The following SLC28A1 variants were observed in gnomAD, a reference collection of about 807,000 sequenced individuals.
The protein encoded by SLC28A1 is solute carrier family 28 member 1, also known as sodium/nucleoside cotransporter 1.
SLC28A1 carries 64 observed loss-of-function variants against 74.8 expected under a neutral mutation model. That is an observed-to-expected ratio of 0.86 (90% CI 0.70 to 1.05). The LOEUF (loss-of-function observed/expected upper bound fraction) is 1.05. SLC28A1 is among the 50% of genes least tolerant of loss of function. The pLI is 0.00. For synonymous variants in SLC28A1, 359 were observed against 335.0 expected, an observed-to-expected ratio of 1.07 and a Z score of -0.78; for missense variants, 828 against 822.8, an observed-to-expected ratio of 1.01 and a Z score of -0.08.
At chr15:84,927,677 T>C (rs4247409) in intron 12 of SLC28A1, among the ~76,000 whole-genome samples, 47,722 of 152,108 alleles carry the variant, frequency 0.31, 9,723 homozygotes, top group Middle Eastern at 0.53. Flanking sequence ...GGAAAAGGGC[T>C]TCTGGTCTCC....
intron 6 of SLC28A1, among the ~76,000 whole-genome samples, chr15:84,899,891 C>CAGAAAGAA (rs146927149): frequency 1.6e-4 from 22 of 137,402 alleles, no homozygotes; most frequent in South Asian, 2.3e-4. Context: ...GATACTAAGG[C>CAGAAAGAA]AGAAAGAAAG....
intron 5 of SLC28A1, among the ~76,000 whole-genome samples, chr15:84,893,277 C>T (rs1567119443): frequency 6.6e-6 from 1 of 152,020 alleles, no homozygotes; most frequent in Non-Finnish European, 1.5e-5. Context: ...TCTGAAGTGC[C>T]AAGCTCACCT....
chr15:84,915,258 T>C (rs905626160), intron 9 of SLC28A1, among the ~76,000 whole-genome samples: 3 of 152,136 alleles, frequency 2.0e-5, no homozygotes, highest in Non-Finnish European at 4.4e-5. Flanking sequence ...TGGTGACAGA[T>C]GACAGCAGAG....
intron 9 of SLC28A1, among the ~76,000 whole-genome samples, chr15:84,911,595 C>T (rs1406146525): frequency 6.6e-6 from 1 of 151,784 alleles, no homozygotes; most frequent in Non-Finnish European, 1.5e-5. Flanking sequence ...GGCGTGGTGG[C>T]TCACGCCTGT....
At chr15:84,921,666 G>A (rs1173337591) in intron 11 of SLC28A1, among the ~76,000 whole-genome samples, 1 of 152,136 alleles carries the variant, frequency 6.6e-6, no homozygotes, top group Non-Finnish European at 1.5e-5. Context: ...GTTAGAAGAT[G>A]CCATATTTCA....
At position 84,921,389 on chromosome 15, in the gene SLC28A1, T is replaced by C. The variant is rs190442734; in HGVS notation, c.957+320T>C. On this transcript the variant is annotated intron_variant, in intron 11 of 18. Coordinates refer to ENST00000394573, the MANE Select transcript of SLC28A1 (RefSeq NM_004213.5). ...ACAGGCTCAGGGGATGGGAATCCCTTGACCAAGATTCCACACATATAAGCC... is the reference window on the plus strand; with the variant it reads ...ACAGGCTCAGGGGATGGGAATCCCTCGACCAAGATTCCACACATATAAGCC... Among the ~76,000 whole-genome samples, 419 of 152,336 alleles carry C rather than the reference T, an allele frequency of 2.8e-3. 2 individuals carry two copies. The highest frequency in any genetic ancestry group is 3.1e-3 in the Non-Finnish European group (213 of 68,022).
intron 5 of SLC28A1, among the ~76,000 whole-genome samples, chr15:84,890,758 C>A (rs1419792766): frequency 1.3e-5 from 2 of 152,208 alleles, no homozygotes. Context: ...AATAGTCCCA[C>A]ATAATGCAGC....
intron 15 of SLC28A1, 94 bp downstream of exon 15, chr15:84,935,612 T>C: frequency 9.5e-7 from 1 of 1,058,062 alleles, no homozygotes; most frequent in South Asian, 1.4e-5. Flanking sequence ...TCCCTGGGCC[T>C]GGCTGAGACA....
chr15:84,918,373 A>G (rs1217051840), intron 9 of SLC28A1, 151 bp from the exon 10 acceptor site: 2 of 731,616 alleles, frequency 2.7e-6, no homozygotes, highest in South Asian at 1.4e-5. Context: ...GACTTCATGC[A>G]CTGATCTCAG....
intron 4 of SLC28A1, 106 bp downstream of exon 4, chr15:84,888,966 C>A (rs1388486926): frequency 2.5e-6 from 2 of 801,760 alleles, no homozygotes; most frequent in African/African-American, 3.4e-5. Context: ...GGACGTGAAC[C>A]TTTGTTGAAG....
rs2079177665 is a variant in SLC28A1, at chr15:84,945,653, T to G, written c.*453T>G. The stretch of plus-strand genomic sequence containing the variant: ...GGGTGGTGTCACCTCTTTCTCTGCT[T>G]TCAGAGAAACCCTTCCCGCCTTTCC... On this transcript the variant is annotated 3_prime_UTR_variant, in exon 19 of 19. Transcript: ENST00000394573. The G allele has an allele frequency of 4.0e-6, 1 of 249,972 alleles. No individual in the cohort carries two copies. The highest frequency in any genetic ancestry group is 7.9e-6 in the Non-Finnish European group (1 of 127,000). 15.5% of individuals were successfully genotyped at this position (249,972 alleles called of 1,614,324 possible). A position where few individuals can be genotyped will look rare whatever the true frequency, so the allele number is the denominator to read the frequency against.
chr15:84,906,071 G>A (rs1967062997), intron 8 of SLC28A1, among the ~76,000 whole-genome samples: 1 of 148,470 alleles, frequency 6.7e-6, no homozygotes, highest in Non-Finnish European at 1.5e-5. Flanking sequence ...CCAGGCTGGA[G>A]TGCAGTGGTG....
chr15:84,911,587 C>T (rs974200690), intron 9 of SLC28A1, among the ~76,000 whole-genome samples: 2 of 151,674 alleles, frequency 1.3e-5, no homozygotes, highest in African/African-American at 4.8e-5. Context: ...TTAGGCTGGG[C>T]GTGGTGGCTC....
intron 15 of SLC28A1, among the ~76,000 whole-genome samples, chr15:84,941,634 A>G (rs968398684): frequency 2.6e-5 from 4 of 152,084 alleles, no homozygotes; most frequent in African/African-American, 9.7e-5. Flanking sequence ...CTGTAATTCC[A>G]ACACTTTGGG....
intron 15 of SLC28A1, among the ~76,000 whole-genome samples, chr15:84,937,616 T>C (rs1296110775): frequency 6.6e-6 from 1 of 152,186 alleles, no homozygotes; most frequent in Non-Finnish European, 1.5e-5. Flanking sequence ...AAAAGAAAGT[T>C]TGTGGCCAGG....
At position 84,945,065 on chromosome 15, in the gene SLC28A1, T is replaced by G. The variant is rs572088372; in HGVS notation, c.1875-60T>G. 419 of 1,467,710 alleles carry G rather than the reference T, an allele frequency of 2.9e-4. 2 individuals are homozygous for G. Among genetic ancestry groups the G allele is most frequent in the East Asian group, 1.4e-3 (60 of 44,112 alleles). 90.9% of individuals were successfully genotyped at this position (1,467,710 alleles called of 1,614,324 possible). On this transcript the variant is annotated intron_variant, in intron 18 of 18. Transcript: ENST00000394573. ...ACAGTGTTCCCGGTGTTGCACAGCC[T>G]GGTGGTGGCCCGCAGAACCAGGCCT...
the SLC28A1 span, among the ~76,000 whole-genome samples, chr15:84,968,726 A>G: frequency 3.9e-5 from 6 of 152,226 alleles, no homozygotes; most frequent in African/African-American, 1.4e-4. Flanking sequence ...CTTGAGAACG[A>G]TCTGTTGCCT....
chr15:84,940,368 C>CA lies in SLC28A1; in HGVS notation c.1582-3069dup, dbSNP rs113526729. The CA allele has an allele frequency of 8.6e-3, 1,300 of 151,470 alleles. 17 individuals carry two copies. Among genetic ancestry groups the CA allele is most frequent in the African/African-American group, 0.029 (1,182 of 41,144 alleles). 9.4% of individuals were successfully genotyped at this position (151,470 alleles called of 1,614,324 possible). A position where few individuals can be genotyped will look rare whatever the true frequency, so the allele number is the denominator to read the frequency against. Reference sequence around the variant, plus strand: ...ACACATTGGGTAGTATGTAACTATGCAAAAAAAAGGACACTGTACAGTTTA... The same window carrying CA: ...ACACATTGGGTAGTATGTAACTATGCAAAAAAAAAGGACACTGTACAGTTTA... On this transcript the variant is annotated intron_variant, in intron 15 of 18. Coordinates refer to ENST00000394573, the MANE Select transcript of SLC28A1 (RefSeq NM_004213.5).
At chr15:84,928,904 T>A (rs1023302534) in intron 12 of SLC28A1, among the ~76,000 whole-genome samples, 5 of 151,874 alleles carry the variant, frequency 3.3e-5, no homozygotes, top group South Asian at 4.2e-4. Flanking sequence ...ATTACAGGCA[T>A]GAGCCACTGC....
Sources: allele counts gnomAD v4.1 joint callset (sites outside exome capture counted in the v4.1 genomes callset), GRCh38; gene constraint gnomAD v4.1.1; transcripts MANE v1.5; gene names NCBI Gene and HGNC (gene_info 2026-07-23, HGNC 2026-07-21).